Variants in DLG2 observed in about 807,000 individuals in gnomAD.
DLG2 encodes disks large homolog 2.
DLG2 carries 45 observed loss-of-function variants against 132.5 expected under a neutral mutation model. The observed-to-expected ratio is 0.34, with a 90% CI of 0.27 to 0.44. The LOEUF (loss-of-function observed/expected upper bound fraction) is 0.44. DLG2 is among the 20% of genes least tolerant of loss of function. The probability of loss-of-function intolerance (pLI) is 1.00; values close to 1 mark genes in which losing one functional copy is unlikely to be tolerated. For synonymous variants in DLG2, 424 were observed against 419.6 expected, an observed-to-expected ratio of 1.01 and a Z score of -0.13; for missense variants, 1,045 against 1,196.9, an observed-to-expected ratio of 0.87 and a Z score of 1.87.
intron 21 of DLG2, among the ~76,000 whole-genome samples, chr11:83,518,112 C>G (rs1830515448): frequency 6.6e-6 from 1 of 152,212 alleles, no homozygotes; most frequent in Non-Finnish European, 1.5e-5. Context: ...ATGCCCTGCC[C>G]CCAGAGGTGG....
At chr11:85,121,307 A>G (rs2074283420) in intron 5 of DLG2, among the ~76,000 whole-genome samples, 1 of 151,544 alleles carries the variant, frequency 6.6e-6, no homozygotes, top group Non-Finnish European at 1.5e-5. Flanking sequence ...TTTCTATTGC[A>G]CACCTTTCTA....
chr11:85,512,246 A>C (rs562672644), intron 3 of DLG2, among the ~76,000 whole-genome samples: 50 of 152,202 alleles, frequency 3.3e-4, no homozygotes, highest in Non-Finnish European at 5.3e-4. Flanking sequence ...TGCAAAGCAA[A>C]GATTATTTTC....
At chr11:85,074,894 T>G (rs972901340) in intron 6 of DLG2, among the ~76,000 whole-genome samples, 3 of 151,894 alleles carry the variant, frequency 2.0e-5, no homozygotes, top group Non-Finnish European at 2.9e-5. Context: ...TAGAGAGAGA[T>G]GCTCTATGGC....
At chr11:84,516,209 A>G (rs1008554646) in intron 7 of DLG2, among the ~76,000 whole-genome samples, 1 of 151,606 alleles carries the variant, frequency 6.6e-6, no homozygotes, top group African/African-American at 2.4e-5. Flanking sequence ...AGTTAATAAA[A>G]GGACGGAAAT....
chr11:84,063,162 A>G (rs757667033), intron 10 of DLG2, among the ~76,000 whole-genome samples: 5 of 152,154 alleles, frequency 3.3e-5, no homozygotes, highest in Non-Finnish European at 5.9e-5. Context: ...ATCTCACTCT[A>G]CCAATCTAAT....
rs193078477 is a variant in DLG2 at position 85,294,178 on chromosome 11, T to C, written c.41-8813A>G. On this transcript the variant is annotated intron_variant, in intron 3 of 27. Transcript: ENST00000376104. ...AGAGACATGCATATATAGAAAATAA[T>C]AAATAGAGTGAAATGTAAACAATTG... is the stretch of plus-strand genomic sequence containing the variant. 1.4e-4 allele frequency among the ~76,000 whole-genome samples: 21 copies of C among 152,208 alleles called. 1 individual carries two copies. Among genetic ancestry groups the C allele is most frequent in the African/African-American group, 4.1e-4 (17 of 41,542 alleles).
chr11:85,288,416 G>A (rs72950161), intron 3 of DLG2, among the ~76,000 whole-genome samples: 7,536 of 151,750 alleles, frequency 0.05, 246 homozygotes, highest in East Asian at 0.094. Context: ...CTAATTGGGT[G>A]GACAAAAATC....
chr11:85,499,849 A>G (rs2093755939), intron 3 of DLG2, among the ~76,000 whole-genome samples: 1 of 152,184 alleles, frequency 6.6e-6, no homozygotes, highest in Non-Finnish European at 1.5e-5. Flanking sequence ...CAAAAAACAC[A>G]TGATTATCTC....
intron 11 of DLG2, among the ~76,000 whole-genome samples, chr11:84,032,171 C>A (rs2095716233): frequency 6.6e-6 from 1 of 152,130 alleles, no homozygotes; most frequent in African/African-American, 2.4e-5. Flanking sequence ...GGAGTAATCA[C>A]ACACATATCC....
At chr11:83,767,689 A>C (rs1447078857) in intron 18 of DLG2, among the ~76,000 whole-genome samples, 1 of 152,194 alleles carries the variant, frequency 6.6e-6, no homozygotes, top group African/African-American at 2.4e-5. Flanking sequence ...TAGGGATTAC[A>C]TTAATTAATA....
intron 7 of DLG2, among the ~76,000 whole-genome samples, chr11:84,421,072 G>C (rs1233114961): frequency 6.6e-6 from 1 of 152,096 alleles, no homozygotes; most frequent in Non-Finnish European, 1.5e-5. Flanking sequence ...TCATGAATGG[G>C]ATTGGTACTC....
At chr11:84,243,021 A>C (rs60432324) in intron 8 of DLG2, among the ~76,000 whole-genome samples, 34,742 of 85,164 alleles carry the variant, frequency 0.41, 4,210 homozygotes, top group Middle Eastern at 0.42. Context: ...CTCTCTCTAT[A>C]TATATATATA....
At chr11:85,464,803 G>A (rs984141093) in intron 3 of DLG2, among the ~76,000 whole-genome samples, 3 of 151,672 alleles carry the variant, frequency 2.0e-5, no homozygotes, top group African/African-American at 7.3e-5. Flanking sequence ...GGCCAGGCGC[G>A]GTGGCTCACA....
chr11:84,403,586 TA>T (rs923264979), intron 7 of DLG2, among the ~76,000 whole-genome samples: 5 of 151,872 alleles, frequency 3.3e-5, no homozygotes, highest in East Asian at 1.9e-4. Context: ...TTAACCTCCC[TA>T]AAAAAAACAG....
At chr11:84,936,979 C>T (rs867086211) in intron 6 of DLG2, among the ~76,000 whole-genome samples, 3 of 152,042 alleles carry the variant, frequency 2.0e-5, no homozygotes, top group Admixed American at 6.6e-5. Context: ...ATGGTAAAAC[C>T]ACGTCTGTAC....
chr11:85,448,964 G>A (rs2092125148), intron 3 of DLG2, among the ~76,000 whole-genome samples: 2 of 151,906 alleles, frequency 1.3e-5, no homozygotes, highest in Admixed American at 6.6e-5. Context: ...GTCAAACATG[G>A]CAGAAGTTGT....
chr11:83,817,053 T>C (rs2049191389), intron 17 of DLG2, among the ~76,000 whole-genome samples: 1 of 152,196 alleles, frequency 6.6e-6, no homozygotes, highest in Non-Finnish European at 1.5e-5. Flanking sequence ...AATAGTAATC[T>C]AGCTTCATTC....
At chr11:85,299,227 G>A (rs1277297910) in intron 3 of DLG2, among the ~76,000 whole-genome samples, 1 of 152,142 alleles carries the variant, frequency 6.6e-6, no homozygotes, top group Admixed American at 6.6e-5. Flanking sequence ...GAAGAGAGAG[G>A]TTGAGATGTT....
intron 21 of DLG2, among the ~76,000 whole-genome samples, chr11:83,488,925 G>T (rs1446708548): frequency 6.6e-6 from 1 of 151,920 alleles, no homozygotes; most frequent in African/African-American, 2.4e-5. Flanking sequence ...AACAAAGAGG[G>T]GTTAAGGGAA....
Sources: allele counts gnomAD v4.1 joint callset (sites outside exome capture counted in the v4.1 genomes callset), GRCh38; gene constraint gnomAD v4.1.1; transcripts MANE v1.5; gene names NCBI Gene and HGNC (gene_info 2026-07-23, HGNC 2026-07-21).